Variants in FNDC3A observed in about 807,000 individuals in gnomAD.
The protein encoded by FNDC3A is fibronectin type III domain containing 3A, also known as fibronectin type-III domain-containing protein 3A.
Under a neutral mutation model 148.9 loss-of-function variants are expected in FNDC3A, and 32 were observed. The ratio of observed to expected loss-of-function variants is 0.21; its 90% CI spans 0.16 to 0.29. The LOEUF (loss-of-function observed/expected upper bound fraction) is 0.29, where lower values mean the gene tolerates loss of function less well. Ranked by LOEUF, FNDC3A falls within the 10% of genes least tolerant of loss-of-function variation. The probability of loss-of-function intolerance (pLI) is 1.00; values close to 1 mark genes in which losing one functional copy is unlikely to be tolerated. For missense variants in FNDC3A, 1,191 were observed against 1,452.8 expected, an observed-to-expected ratio of 0.82 and a Z score of 2.93; for synonymous variants, 472 against 473.6, an observed-to-expected ratio of 1.00 and a Z score of 0.04.
intron 2 of FNDC3A, among the ~76,000 whole-genome samples, chr13:49,035,350 T>C (rs1874419037): frequency 6.6e-6 from 1 of 152,036 alleles, no homozygotes; most frequent in Non-Finnish European, 1.5e-5. Context: ...GCAGACATTG[T>C]CTATAAATGT....
Position 49,207,450 on chromosome 13 carries a change from T to C in FNDC3A, c.*55T>C, listed in dbSNP as rs1886704607. 1 of 1,125,800 alleles carries C rather than the reference T, an allele frequency of 8.9e-7. No individual in the cohort carries two copies. The highest frequency in any genetic ancestry group is 1.6e-5 in the South Asian group (1 of 63,706). 69.7% of individuals were successfully genotyped at this position (1,125,800 alleles called of 1,614,324 possible). A position where few individuals can be genotyped will look rare whatever the true frequency, so the allele number is the denominator to read the frequency against. On this transcript the variant is annotated 3_prime_UTR_variant, in exon 26 of 26. Transcript: ENST00000492622. ...CATTTTATTTTGTCATGTACTAAAA[T>C]TATTTCTGTATTGCTTTTATAAAAA...
intron 2 of FNDC3A, among the ~76,000 whole-genome samples, chr13:49,049,711 C>A (rs546512742): frequency 1.3e-3 from 119 of 90,552 alleles, no homozygotes; most frequent in African/African-American, 3.6e-3. Flanking sequence ...CTCTTCTTTT[C>A]TTTTCTTTTT....
intron 19 of FNDC3A, 103 bp from the exon 20 acceptor site, chr13:49,196,774 A>T: frequency 1.9e-6 from 1 of 531,612 alleles, no homozygotes. Flanking sequence ...CTTGAAACAC[A>T]GGGAAAAGAC....
At chr13:49,193,356 G>A (rs1168114526) in intron 19 of FNDC3A, among the ~76,000 whole-genome samples, 5 of 152,100 alleles carry the variant, frequency 3.3e-5, no homozygotes, top group African/African-American at 1.2e-4. Context: ...AACCTCCCAG[G>A]CTTAAGCGAT....
At chr13:49,034,358 TA>T (rs1333776955) in intron 2 of FNDC3A, among the ~76,000 whole-genome samples, 1 of 152,064 alleles carries the variant, frequency 6.6e-6, no homozygotes, top group Non-Finnish European at 1.5e-5. Context: ...ATATTTTGGT[TA>T]ATTTGTTAGT....
At chr13:49,095,128 T>C (rs1593582525) in intron 3 of FNDC3A, among the ~76,000 whole-genome samples, 1 of 152,144 alleles carries the variant, frequency 6.6e-6, no homozygotes, top group Middle Eastern at 3.4e-3. Flanking sequence ...TCCAACTTTA[T>C]TTAAAAATGT....
intron 8 of FNDC3A, among the ~76,000 whole-genome samples, chr13:49,161,785 T>C (rs1317231513): frequency 6.6e-6 from 1 of 152,206 alleles, no homozygotes; most frequent in Non-Finnish European, 1.5e-5. Flanking sequence ...CAGGAGCTCT[T>C]GTAGGGCAGG....
chr13:49,145,899 G>C lies in FNDC3A; in HGVS notation c.941G>C (p.Ser314Thr). 6.2e-7 allele frequency: 1 copy of C among 1,612,996 alleles called. No homozygotes were observed. Among genetic ancestry groups the C allele is most frequent in the South Asian group, 1.1e-5 (1 of 90,886 alleles). Residue 314 changes from serine (S) to threonine (T), a missense_variant, in exon 8 of 26, where the codon AGT becomes ACT. This residue lies in a region of FNDC3A where 426 missense variants were observed against 473.2 expected (regional missense o/e 0.90). Coordinates refer to ENST00000492622, the MANE Select transcript of FNDC3A (RefSeq NM_001079673.2). ...ELYGYEVLIS[S>T]TGKDGKYKSV... ...TATGGTTATGAAGTTCTGATCTCAAGTACTGGAAAAGATGGGAAATACAAA... is the reference window on the plus strand; with the variant it reads ...TATGGTTATGAAGTTCTGATCTCAACTACTGGAAAAGATGGGAAATACAAA...
chr13:49,123,649 T>G (rs1593622900), intron 4 of FNDC3A, among the ~76,000 whole-genome samples: 1 of 144,488 alleles, frequency 6.9e-6, no homozygotes. Flanking sequence ...TAAACAAATT[T>G]ACAAAAAAAA....
chr13:49,166,791 T>C (rs943976780), intron 8 of FNDC3A, among the ~76,000 whole-genome samples: 2 of 152,228 alleles, frequency 1.3e-5, no homozygotes, highest in Non-Finnish European at 2.9e-5. Context: ...CTCTCTTAGG[T>C]GATCTGTTCA....
rs1243618496 is a variant in FNDC3A at position 49,013,843 on chromosome 13, T to C, written c.99+7554T>C. 4.0e-5 allele frequency among the ~76,000 whole-genome samples: 6 copies of C among 150,286 alleles called. No homozygotes were observed. In the East Asian group the frequency reaches 1.2e-3, roughly 30 times the overall value. On this transcript the variant is annotated intron_variant, in intron 2 of 25. Coordinates refer to ENST00000492622, the MANE Select transcript of FNDC3A (RefSeq NM_001079673.2). ...ATTCCCACCTATGAGTGAGAATATGTGGTGTTTGGTTTTTTGTTCTTGCAG... is the reference window on the plus strand; with the variant it reads ...ATTCCCACCTATGAGTGAGAATATGCGGTGTTTGGTTTTTTGTTCTTGCAG...
At chr13:48,995,047 C>T (rs1484977517) in intron 1 of FNDC3A, among the ~76,000 whole-genome samples, 2 of 152,106 alleles carry the variant, frequency 1.3e-5, no homozygotes, top group Non-Finnish European at 2.9e-5. Context: ...TGTGGTGTTT[C>T]AGTGAGAAAA....
intron 1 of FNDC3A, among the ~76,000 whole-genome samples, chr13:49,001,910 C>T (rs1473305448): frequency 6.6e-6 from 1 of 152,120 alleles, no homozygotes; most frequent in African/African-American, 2.4e-5. Flanking sequence ...AGCGTGTGAT[C>T]TCTGTGACCC....
intron 2 of FNDC3A, among the ~76,000 whole-genome samples, chr13:49,068,232 T>G (rs1877401087): frequency 6.7e-6 from 1 of 150,250 alleles, no homozygotes; most frequent in South Asian, 2.1e-4. Flanking sequence ...GGCATGGTGG[T>G]GTTCACCTAT....
intron 2 of FNDC3A, among the ~76,000 whole-genome samples, chr13:49,071,080 T>TTTTTTTGGGGGGG (rs1877654586): frequency 8.4e-6 from 1 of 119,132 alleles, no homozygotes. Context: ...TTTTTTTTTT[T>TTTTTTTGGGGGGG]GTAGAGATGA....
intron 2 of FNDC3A, among the ~76,000 whole-genome samples, chr13:49,056,424 A>T (rs3012127): frequency 6.6e-6 from 1 of 151,928 alleles, no homozygotes; most frequent in Admixed American, 6.5e-5. Flanking sequence ...TAGTGTGTCT[A>T]GGAGTGGATT....
At position 48,997,650 on chromosome 13, in the gene FNDC3A, G is replaced by A. The variant is rs569075409; in HGVS notation, c.-39-8502G>A. Among the ~76,000 whole-genome samples the A allele has an allele frequency of 3.2e-4, 49 of 152,220 alleles. No individual in the cohort carries two copies. In the South Asian group the frequency reaches 7.5e-3, roughly 23 times the overall value. On this transcript the variant is annotated intron_variant, in intron 1 of 25. Transcript: ENST00000492622. ...GGTAGCCATCTGAGAGCCAGAAAGAGGGTTCTTACCAAAAAGCCAACCATG... is the reference window on the plus strand; with the variant it reads ...GGTAGCCATCTGAGAGCCAGAAAGAAGGTTCTTACCAAAAAGCCAACCATG...
chr13:49,165,628 C>T (rs1000681452), intron 8 of FNDC3A, among the ~76,000 whole-genome samples: 4 of 152,098 alleles, frequency 2.6e-5, no homozygotes, highest in Non-Finnish European at 5.9e-5. Context: ...TTAGCAAATC[C>T]AGGCATGCTG....
At chr13:49,081,017 G>A (rs145936036) in intron 3 of FNDC3A, among the ~76,000 whole-genome samples, 6 of 152,248 alleles carry the variant, frequency 3.9e-5, no homozygotes, top group Non-Finnish European at 5.9e-5. Context: ...CTCAATAAAC[G>A]TTTAAGGTGA....
Sources: gnomAD v4.1 joint callset for allele counts (sites outside exome capture counted in the v4.1 genomes callset) on GRCh38, gnomAD v4.1.1 for gene constraint, gnomAD v4.1.1 regional missense constraint, MANE v1.5 for transcripts, NCBI Gene and HGNC (gene_info 2026-07-23, HGNC 2026-07-21) for gene names.